Variants in L3MBTL4 observed in about 807,000 individuals in gnomAD.
L3MBTL4 encodes the protein L3MBTL histone methyl-lysine binding protein 4, also known as lethal(3)malignant brain tumor-like protein 4.
A neutral mutation model predicts 84.5 loss-of-function variants in L3MBTL4; 70 were observed. The ratio of observed to expected loss-of-function variants is 0.83; its 90% CI spans 0.68 to 1.01. The LOEUF is 1.01. Among genes scored for constraint, L3MBTL4 ranks in the 50% least tolerant of loss-of-function variants. The probability of loss-of-function intolerance (pLI) is 0.00; values close to 1 mark genes in which losing one functional copy is unlikely to be tolerated. For missense variants in L3MBTL4, 715 were observed against 754.8 expected (o/e 0.95, Z 0.62); for synonymous variants, 274 against 259.8 (o/e 1.05, Z -0.52).
At chr18:6,221,473 A>G (rs960457706) in intron 10 of L3MBTL4, among the ~76,000 whole-genome samples, 2 of 149,404 alleles carry the variant, frequency 1.3e-5, no homozygotes, top group Admixed American at 1.3e-4. Flanking sequence ...CTGGATGGAC[A>G]CTTCATCAAA....
intron 12 of L3MBTL4, among the ~76,000 whole-genome samples, chr18:6,199,618 G>A (rs1373047511): frequency 1.3e-5 from 2 of 152,226 alleles, no homozygotes. Context: ...GAGACGGGAA[G>A]AAAGGCAGGA....
chr18:6,374,617 A>G (rs2054291093), intron 1 of L3MBTL4, among the ~76,000 whole-genome samples: 1 of 152,206 alleles, frequency 6.6e-6, no homozygotes, highest in African/African-American at 2.4e-5. Context: ...TTAAAGTCAA[A>G]TCACCAGAAT....
At chr18:6,153,196 T>C (rs1160608599) in intron 13 of L3MBTL4, among the ~76,000 whole-genome samples, 1 of 152,222 alleles carries the variant, frequency 6.6e-6, no homozygotes, top group Non-Finnish European at 1.5e-5. Flanking sequence ...TTCTTAAAAC[T>C]GCTCAAGCTA....
At chr18:5,976,347 C>A (rs985497367) in intron 16 of L3MBTL4, among the ~76,000 whole-genome samples, 2 of 152,164 alleles carry the variant, frequency 1.3e-5, no homozygotes, top group Admixed American at 6.5e-5. Context: ...ACGTTAAATA[C>A]GGCCAGTAGA....
At chr18:6,139,334 T>C (rs1393332316) in intron 13 of L3MBTL4, among the ~76,000 whole-genome samples, 3 of 152,088 alleles carry the variant, frequency 2.0e-5, no homozygotes, top group Non-Finnish European at 2.9e-5. Context: ...TATATTGTAC[T>C]ATATACCGTA....
chr18:6,382,739 G>A (rs920284829), intron 1 of L3MBTL4, among the ~76,000 whole-genome samples: 5 of 152,306 alleles, frequency 3.3e-5, no homozygotes, highest in African/African-American at 9.6e-5. Flanking sequence ...CCTGTATGAG[G>A]TGTCTATCGG....
At chr18:6,407,150 A>G (rs1204413406) in intron 1 of L3MBTL4, among the ~76,000 whole-genome samples, 1 of 152,230 alleles carries the variant, frequency 6.6e-6, no homozygotes, top group African/African-American at 2.4e-5. Context: ...TCCTCATAGT[A>G]AAAGAATAAA....
At chr18:6,127,731 A>T (rs1024811053) in intron 14 of L3MBTL4, among the ~76,000 whole-genome samples, 1 of 152,188 alleles carries the variant, frequency 6.6e-6, no homozygotes, top group African/African-American at 2.4e-5. Context: ...AAAACACACC[A>T]GGAAAAGTTT....
chr18:5,995,022 T>A (rs2053887385), intron 16 of L3MBTL4, among the ~76,000 whole-genome samples: 1 of 152,254 alleles, frequency 6.6e-6, no homozygotes, highest in Admixed American at 6.5e-5. Context: ...AGAGGATGCA[T>A]ACAGAAATGT....
At chr18:6,052,541 T>C (rs1215529092) in intron 16 of L3MBTL4, among the ~76,000 whole-genome samples, 1 of 152,260 alleles carries the variant, frequency 6.6e-6, no homozygotes, top group Non-Finnish European at 1.5e-5. Flanking sequence ...ACTGCACTTC[T>C]ACGCCTCTTG....
At chr18:6,077,731 A>T (rs2057907629) in intron 16 of L3MBTL4, among the ~76,000 whole-genome samples, 2 of 151,990 alleles carry the variant, frequency 1.3e-5, no homozygotes, top group Non-Finnish European at 2.9e-5. Flanking sequence ...AAAAAAAAAA[A>T]AAAAATGGAA....
At chr18:6,386,694 G>C (rs753018584) in intron 1 of L3MBTL4, among the ~76,000 whole-genome samples, 12 of 152,168 alleles carry the variant, frequency 7.9e-5, no homozygotes, top group Non-Finnish European at 1.5e-4. Flanking sequence ...GAAGTCCTGA[G>C]ATGGCTGCTT....
At chr18:6,022,640 T>C (rs1284547684) in intron 16 of L3MBTL4, among the ~76,000 whole-genome samples, 1 of 152,202 alleles carries the variant, frequency 6.6e-6, no homozygotes, top group African/African-American at 2.4e-5. Flanking sequence ...GATTATCACA[T>C]CGAATCCCAA....
At chr18:5,972,942 TAGAATAGAATAGAATAG>T (rs2052728449) in intron 16 of L3MBTL4, among the ~76,000 whole-genome samples, 1 of 114,514 alleles carries the variant, frequency 8.7e-6, no homozygotes, top group South Asian at 3.1e-4. Context: ...TAGAATAGAA[TAGAATAGAATAGAATAG>T]AATAGAATAG....
chr18:6,184,861 C>G (rs982569724), intron 12 of L3MBTL4, among the ~76,000 whole-genome samples: 26 of 152,116 alleles, frequency 1.7e-4, no homozygotes, highest in Admixed American at 8.5e-4. Flanking sequence ...CAAGGATAAA[C>G]AACACAGAAA....
intron 1 of L3MBTL4, among the ~76,000 whole-genome samples, chr18:6,389,935 C>T (rs1445618963): frequency 6.6e-6 from 1 of 152,098 alleles, no homozygotes; most frequent in East Asian, 1.9e-4. Context: ...AAACTACACA[C>T]TAGAACAAAT....
At chr18:6,309,731 T>C (rs145476555) in intron 3 of L3MBTL4, among the ~76,000 whole-genome samples, 1 of 152,294 alleles carries the variant, frequency 6.6e-6, no homozygotes, top group African/African-American at 2.4e-5. Context: ...GGCAAACGGT[T>C]AAATACTCAG....
At chr18:6,174,093 C>G (rs2044108033) in intron 12 of L3MBTL4, among the ~76,000 whole-genome samples, 3 of 151,250 alleles carry the variant, frequency 2.0e-5, no homozygotes. Context: ...CAAGCCTTAG[C>G]CAGATGAAGA....
At chr18:5,989,199 TG>T (rs1287825028) in intron 16 of L3MBTL4, among the ~76,000 whole-genome samples, 4 of 152,230 alleles carry the variant, frequency 2.6e-5, no homozygotes, top group African/African-American at 9.6e-5. Flanking sequence ...CTGCTTTCTA[TG>T]TGAAAACCTC....
Sources: allele counts gnomAD v4.1 joint callset (sites outside exome capture counted in the v4.1 genomes callset), GRCh38; gene constraint gnomAD v4.1.1; transcripts MANE v1.5; gene names NCBI Gene and HGNC (gene_info 2026-07-23, HGNC 2026-07-21).